The following GRIK1 variants were observed in gnomAD, a reference collection of about 807,000 sequenced individuals.
GRIK1 encodes glutamate receptor ionotropic, kainate 1.
Under a neutral mutation model 105.7 loss-of-function variants are expected in GRIK1, and 69 were observed. The ratio of observed to expected loss-of-function variants is 0.65; its 90% CI spans 0.54 to 0.80. The LOEUF is 0.80. Ranked by LOEUF, GRIK1 falls within the 30% of genes least tolerant of loss-of-function variation. The probability of loss-of-function intolerance (pLI) is 0.00; values close to 1 mark genes in which losing one functional copy is unlikely to be tolerated. For missense variants in GRIK1, 1,109 were observed against 1,167.3 expected (o/e 0.95, Z 0.73); for synonymous variants, 438 against 431.3 (o/e 1.02, Z -0.19).
intron 13 of GRIK1, among the ~76,000 whole-genome samples, chr21:29,578,292 A>C (rs992452041): frequency 2.6e-5 from 4 of 152,234 alleles, no homozygotes; most frequent in African/African-American, 9.6e-5. Context: ...AGTGAAGTAC[A>C]GTAGGTCAGC....
chr21:29,771,970 T>C (rs2065824483), intron 1 of GRIK1, among the ~76,000 whole-genome samples: 1 of 152,358 alleles, frequency 6.6e-6, no homozygotes, highest in African/African-American at 2.4e-5. Flanking sequence ...ATCCATTCTT[T>C]TTAGTTGATG....
At chr21:29,822,713 T>C (rs556762604) in intron 1 of GRIK1, among the ~76,000 whole-genome samples, 8 of 152,114 alleles carry the variant, frequency 5.3e-5, no homozygotes, top group Admixed American at 2.6e-4. Flanking sequence ...ACCTATAGAA[T>C]AAAACCACAC....
intron 3 of GRIK1, among the ~76,000 whole-genome samples, chr21:29,683,844 T>A (rs2063428456): frequency 6.6e-6 from 1 of 152,248 alleles, no homozygotes; most frequent in Admixed American, 6.5e-5. Flanking sequence ...TACTTAATGA[T>A]GGGGTTCAGC....
At position 29,733,093 on chromosome 21, in the gene GRIK1, C is replaced by T. The variant is rs558161711; in HGVS notation, c.119-39030G>A. On this transcript the variant is annotated intron_variant, in intron 1 of 17. Transcript: ENST00000327783. The stretch of plus-strand genomic sequence containing the variant: ...GACTGAGGGAGATGCTTTTGCAGTG[C>T]TGTTCCTTGGGGCCTTGCTACTACT... Among the ~76,000 whole-genome samples, 12 of 152,212 alleles carry T rather than the reference C, an allele frequency of 7.9e-5. No individual in the cohort carries two copies. The East Asian group carries it at 2.3e-3, about 29-fold the overall frequency.
At chr21:29,690,890 C>G (rs530196774) in intron 2 of GRIK1, among the ~76,000 whole-genome samples, 1 of 152,086 alleles carries the variant, frequency 6.6e-6, no homozygotes. Flanking sequence ...TATATAAATA[C>G]AGTTTGACAT....
chr21:29,834,140 G>A (rs2067715369), intron 1 of GRIK1, among the ~76,000 whole-genome samples: 1 of 151,854 alleles, frequency 6.6e-6, no homozygotes, highest in African/African-American at 2.4e-5. Context: ...AAATCAGATA[G>A]TATTATCCTA....
chr21:29,572,029 A>G (rs985391752), intron 14 of GRIK1, among the ~76,000 whole-genome samples: 6 of 152,150 alleles, frequency 3.9e-5, no homozygotes, highest in Admixed American at 6.5e-5. Flanking sequence ...TGACAGAGAA[A>G]GGGCTGGAGG....
At chr21:29,673,851 A>G (rs953104555) in intron 3 of GRIK1, among the ~76,000 whole-genome samples, 3 of 152,198 alleles carry the variant, frequency 2.0e-5, no homozygotes, top group African/African-American at 7.2e-5. Context: ...TTGCAACAAA[A>G]CATATACGTC....
At chr21:29,587,218 G>A (rs1302609904) in intron 12 of GRIK1, 148 bp downstream of exon 12, 19 of 482,460 alleles carry the variant, frequency 3.9e-5, no homozygotes, top group Non-Finnish European at 5.9e-5. Flanking sequence ...TTTACAGAAC[G>A]GCTTTTATAT....
At position 29,621,408 on chromosome 21, in the gene GRIK1, GT is replaced by G. The variant is rs1601297302; in HGVS notation, c.1098+21417del. 2.6e-5 allele frequency among the ~76,000 whole-genome samples: 4 copies of G among 152,062 alleles called. 1 individual carries two copies. The East Asian group carries it at 5.8e-4, about 22-fold the overall frequency. On this transcript the variant is annotated intron_variant, in intron 7 of 17. Transcript: ENST00000327783. ...GGGCCTGAGGGGTGTGTGTGTGTGTGTGTGGGGAAGACGATCTAAAACCTAA... is the reference window on the plus strand; with the variant it reads ...GGGCCTGAGGGGTGTGTGTGTGTGTGGTGGGGAAGACGATCTAAAACCTAA...
intron 1 of GRIK1, among the ~76,000 whole-genome samples, chr21:29,920,069 G>T (rs1050929950): frequency 1.3e-5 from 2 of 152,116 alleles, no homozygotes; most frequent in Non-Finnish European, 2.9e-5. Context: ...TTTAGGCAAA[G>T]AGAAATATTT....
At chr21:29,759,410 G>T (rs992171736) in intron 1 of GRIK1, among the ~76,000 whole-genome samples, 12 of 152,158 alleles carry the variant, frequency 7.9e-5, no homozygotes, top group Admixed American at 7.2e-4. Context: ...GAGACACCAC[G>T]CCCTGCCCAG....
At chr21:29,901,721 G>A (rs879987287) in intron 1 of GRIK1, among the ~76,000 whole-genome samples, 1 of 152,138 alleles carries the variant, frequency 6.6e-6, no homozygotes, top group Admixed American at 6.5e-5. Flanking sequence ...GAAGTTCAAA[G>A]AGGAGCTGGT....
At chr21:29,620,563 A>C (rs1444160264) in intron 7 of GRIK1, among the ~76,000 whole-genome samples, 1 of 151,790 alleles carries the variant, frequency 6.6e-6, no homozygotes, top group East Asian at 1.9e-4. Flanking sequence ...ACCTATTTTC[A>C]TTCTCTTTAG....
At chr21:29,799,633 G>A (rs896670300) in intron 1 of GRIK1, among the ~76,000 whole-genome samples, 2 of 152,216 alleles carry the variant, frequency 1.3e-5, no homozygotes, top group African/African-American at 2.4e-5. Flanking sequence ...GGGTTCCAGC[G>A]ATTCTCTTGC....
chr21:29,749,722 G>A (rs1332973602), intron 1 of GRIK1, among the ~76,000 whole-genome samples: 1 of 152,068 alleles, frequency 6.6e-6, no homozygotes, highest in East Asian at 1.9e-4. Context: ...GATATATGGG[G>A]GTGGGAAGGA....
chr21:29,856,395 T>A (rs2068465740), intron 1 of GRIK1, among the ~76,000 whole-genome samples: 1 of 152,228 alleles, frequency 6.6e-6, no homozygotes, highest in South Asian at 2.1e-4. Flanking sequence ...AGAAATGGCA[T>A]GTGACATGAT....
chr21:29,616,560 T>A (rs1006595569), intron 7 of GRIK1, among the ~76,000 whole-genome samples: 1 of 152,230 alleles, frequency 6.6e-6, no homozygotes, highest in Non-Finnish European at 1.5e-5. Context: ...TAAGCAATAC[T>A]ACTTCAACTC....
chr21:29,557,359 T>C (rs1764256107), intron 15 of GRIK1, among the ~76,000 whole-genome samples: 1 of 152,234 alleles, frequency 6.6e-6, no homozygotes, highest in Non-Finnish European at 1.5e-5. Context: ...CATTCCATTT[T>C]AGAATGGAAG....
Sources: allele counts gnomAD v4.1 joint callset (sites outside exome capture counted in the v4.1 genomes callset), GRCh38; gene constraint gnomAD v4.1.1; transcripts MANE v1.5; gene names NCBI Gene and HGNC (gene_info 2026-07-23, HGNC 2026-07-21).